FOXP2: variants seen among roughly 807,000 people sequenced by gnomAD.
The protein encoded by FOXP2 is forkhead box P2.
In FOXP2, 12 loss-of-function variants were observed where a neutral mutation model predicts 115.8. That is an observed-to-expected ratio of 0.10 (90% confidence interval 0.07 to 0.17). FOXP2 has a LOEUF of 0.17. Ranked by LOEUF, FOXP2 falls within the 10% of genes least tolerant of loss-of-function variation. The pLI is 1.00. For missense variants in FOXP2, 629 were observed against 843.5 expected (o/e 0.75, Z 3.15); for synonymous variants, 328 against 297.7 (o/e 1.10, Z -1.05).
intron 1 of FOXP2, among the ~76,000 whole-genome samples, chr7:114,090,509 A>G (rs1338912316): frequency 6.6e-6 from 1 of 151,876 alleles, no homozygotes; most frequent in African/African-American, 2.4e-5. Context: ...AACTTTATTT[A>G]TGTAGCCCTT....
chr7:114,350,721 A>G (rs895621086), intron 2 of FOXP2, among the ~76,000 whole-genome samples: 2 of 152,190 alleles, frequency 1.3e-5, no homozygotes, highest in Non-Finnish European at 2.9e-5. Flanking sequence ...TGATAGATAC[A>G]TCTCATCTAA....
intron 3 of FOXP2, among the ~76,000 whole-genome samples, chr7:114,578,972 A>G (rs1801707428): frequency 6.6e-6 from 1 of 152,170 alleles, no homozygotes; most frequent in Admixed American, 6.6e-5. Context: ...TTAGTTTCTA[A>G]TTGTTAAAAG....
rs752528443 is a variant in FOXP2, at chr7:114,642,532, A to G, written c.898A>G (p.Thr300Ala). The change falls in exon 7 of 17, where the codon ACC becomes GCC. Residue 300 changes from threonine (T) to alanine (A), a missense_variant. Around this residue, in one of 9 missense-constraint regions of FOXP2, gnomAD observed 92 missense variants for 80.1 expected, o/e 1.15. Coordinates refer to ENST00000350908, the MANE Select transcript of FOXP2 (RefSeq NM_014491.4). Reference sequence around the variant, plus strand: ...CACTACTAACAATTCCTCCTCGACTACCTCCTCCAACACTTCCAAAGCATC... The same window carrying G: ...CACTACTAACAATTCCTCCTCGACTGCCTCCTCCAACACTTCCAAAGCATC... ...DLTTNNSSSTTSSNTSKASPP... is the reference protein window; with the variant it reads ...DLTTNNSSSTASSNTSKASPP... 11 of 1,613,224 alleles carry G rather than the reference A, an allele frequency of 6.8e-6. No homozygotes were observed. The African/African-American group carries it at 1.1e-4, about 16-fold the overall frequency.
chr7:114,326,391 A>T (rs554673712), intron 2 of FOXP2, among the ~76,000 whole-genome samples: 1 of 152,234 alleles, frequency 6.6e-6, no homozygotes, highest in South Asian at 2.1e-4. Flanking sequence ...TCACCTACTC[A>T]TGGGAATGGG....
At chr7:114,158,770 C>A (rs903091211), upstream of FOXP2, among the ~76,000 whole-genome samples, 4 of 152,132 alleles carry the variant, frequency 2.6e-5, no homozygotes, top group Admixed American at 6.6e-5. Context: ...TAACTGATCA[C>A]TTATTCTAGT....
At chr7:114,249,160 G>T (rs1043546451) in intron 1 of FOXP2, among the ~76,000 whole-genome samples, 1 of 152,128 alleles carries the variant, frequency 6.6e-6, no homozygotes, top group African/African-American at 2.4e-5. Flanking sequence ...GTTTGGGGAA[G>T]AGTATTTACC....
At chr7:114,363,830 A>T (rs1056140309) in intron 2 of FOXP2, among the ~76,000 whole-genome samples, 7 of 150,878 alleles carry the variant, frequency 4.6e-5, no homozygotes, top group South Asian at 2.1e-4. Flanking sequence ...ATGTGTATTT[A>T]AAAAAAAAGT....
At chr7:114,329,825 T>C (rs1265767970) in intron 2 of FOXP2, among the ~76,000 whole-genome samples, 3 of 151,734 alleles carry the variant, frequency 2.0e-5, no homozygotes, top group South Asian at 4.1e-4. Context: ...TACAGGCACG[T>C]GCCACCATAC....
chr7:114,305,873 A>C (rs1021088937), intron 2 of FOXP2, among the ~76,000 whole-genome samples: 2 of 151,238 alleles, frequency 1.3e-5, no homozygotes, highest in African/African-American at 4.8e-5. Context: ...TGCCAAGGTC[A>C]CATAGCTAAT....
chr7:114,606,769 G>A (rs780956579), intron 3 of FOXP2, among the ~76,000 whole-genome samples: 6 of 152,128 alleles, frequency 3.9e-5, no homozygotes, highest in Non-Finnish European at 7.4e-5. Context: ...ATACCTAGAG[G>A]GGTTTGGTTT....
intron 2 of FOXP2, among the ~76,000 whole-genome samples, chr7:114,382,133 A>G (rs1049212713): frequency 6.6e-6 from 1 of 152,176 alleles, no homozygotes; most frequent in South Asian, 2.1e-4. Flanking sequence ...AGTGGCTGGG[A>G]GAAGTATCTA....
chr7:114,552,937 C>T (rs1330679328), intron 3 of FOXP2, among the ~76,000 whole-genome samples: 1 of 151,966 alleles, frequency 6.6e-6, no homozygotes. Context: ...CCTAGAGTAA[C>T]CAGTCTGTTC....
intron 3 of FOXP2, among the ~76,000 whole-genome samples, chr7:114,581,254 G>T (rs1801855015): frequency 6.6e-6 from 1 of 151,704 alleles, no homozygotes; most frequent in Admixed American, 6.6e-5. Flanking sequence ...CACAGTCTCT[G>T]CTCACTGCAA....
intron 1 of FOXP2, among the ~76,000 whole-genome samples, chr7:114,234,589 C>G (rs185646224): frequency 2.0e-5 from 3 of 152,226 alleles, no homozygotes; most frequent in Non-Finnish European, 4.4e-5. Context: ...AAACAAAAAA[C>G]CTTCGGAAAT....
At chr7:114,435,865 A>G (rs1016248715) in intron 2 of FOXP2, among the ~76,000 whole-genome samples, 3 of 152,152 alleles carry the variant, frequency 2.0e-5, no homozygotes, top group African/African-American at 7.2e-5. Context: ...TTCATTCTGC[A>G]GGTGTTAGAT....
At chr7:114,672,886 G>A (rs1225297575) in intron 16 of FOXP2, among the ~76,000 whole-genome samples, 1 of 152,136 alleles carries the variant, frequency 6.6e-6, no homozygotes, top group African/African-American at 2.4e-5. Context: ...TTGGTAATAG[G>A]AAATAGATAA....
chr7:114,262,560 A>G (rs1228311900), intron 1 of FOXP2, among the ~76,000 whole-genome samples: 1 of 152,238 alleles, frequency 6.6e-6, no homozygotes, highest in Non-Finnish European at 1.5e-5. Context: ...AAATGTTCAC[A>G]ATCTACATAG....
chr7:114,127,984 T>C (rs1414239635), intron 1 of FOXP2, among the ~76,000 whole-genome samples: 1 of 152,180 alleles, frequency 6.6e-6, no homozygotes, highest in African/African-American at 2.4e-5. Context: ...AGTAATGATA[T>C]AAATTTTCTA....
chr7:114,644,862 A>G (rs1350387516), intron 8 of FOXP2, 73 bp downstream of exon 8: 1 of 1,158,568 alleles, frequency 8.6e-7, no homozygotes, highest in Non-Finnish European at 1.3e-6. Context: ...ATTGTAAATA[A>G]ACAAAAGATG....
Sources: allele counts gnomAD v4.1 joint callset (sites outside exome capture counted in the v4.1 genomes callset), GRCh38; gene constraint gnomAD v4.1.1; regional missense constraint gnomAD v4.1.1; transcripts MANE v1.5; gene names NCBI Gene and HGNC (gene_info 2026-07-23, HGNC 2026-07-21).